Variants in NEGR1 observed in about 807,000 individuals in gnomAD.
NEGR1 encodes IgLON family member 4.
Under a neutral mutation model 40.9 loss-of-function variants are expected in NEGR1, and 10 were observed. The observed-to-expected ratio is 0.24, with a 90% CI of 0.15 to 0.42. The LOEUF (loss-of-function observed/expected upper bound fraction) is 0.42, where lower values mean the gene tolerates loss of function less well. Ranked by LOEUF, NEGR1 falls within the 10% of genes least tolerant of loss-of-function variation. NEGR1 has a pLI of 1.00. For synonymous variants in NEGR1, 185 were observed against 166.8 expected, an observed-to-expected ratio of 1.11 and a Z score of -0.84; for missense variants, 352 against 438.9, an observed-to-expected ratio of 0.80 and a Z score of 1.77.
At chr1:71,887,527 T>C (rs910102846) in intron 2 of NEGR1, among the ~76,000 whole-genome samples, 2 of 152,198 alleles carry the variant, frequency 1.3e-5, no homozygotes, top group African/African-American at 4.8e-5. Context: ...CTTTAATAAA[T>C]AGTAATTGTA....
intron 2 of NEGR1, among the ~76,000 whole-genome samples, chr1:71,783,079 G>T (rs1656774664): frequency 6.6e-6 from 1 of 151,490 alleles, no homozygotes; most frequent in South Asian, 2.1e-4. Context: ...TATTTCTACT[G>T]TTTTTTTCCT....
chr1:71,880,066 C>T (rs767258554), intron 2 of NEGR1, among the ~76,000 whole-genome samples: 9 of 151,968 alleles, frequency 5.9e-5, no homozygotes, highest in Non-Finnish European at 1.0e-4. Flanking sequence ...AATCTAAAAT[C>T]GATTTCCTTT....
intron 1 of NEGR1, among the ~76,000 whole-genome samples, chr1:71,984,816 T>C (rs1371432118): frequency 6.6e-6 from 1 of 152,192 alleles, no homozygotes; most frequent in Non-Finnish European, 1.5e-5. Flanking sequence ...ATTCTAGGTC[T>C]GTCTTTACTT....
chr1:72,240,044 C>T (rs1234427017), intron 1 of NEGR1, among the ~76,000 whole-genome samples: 3 of 151,856 alleles, frequency 2.0e-5, no homozygotes, highest in African/African-American at 7.2e-5. Context: ...AAGGTTAAGA[C>T]TTCACCTTGA....
intron 6 of NEGR1, among the ~76,000 whole-genome samples, chr1:71,461,287 A>T (rs979642352): frequency 6.6e-6 from 1 of 152,210 alleles, no homozygotes; most frequent in East Asian, 1.9e-4. Flanking sequence ...TTTTTAAAAC[A>T]TCATACATTA....
intron 2 of NEGR1, among the ~76,000 whole-genome samples, chr1:71,865,942 C>A (rs11209861): frequency 0.26 from 39,345 of 151,944 alleles, 5,285 homozygotes; most frequent in East Asian, 0.51. Flanking sequence ...ACATCTTAGA[C>A]ATGTCTTATG....
At chr1:72,202,765 C>T (rs1653260913) in intron 1 of NEGR1, among the ~76,000 whole-genome samples, 1 of 152,016 alleles carries the variant, frequency 6.6e-6, no homozygotes, top group African/African-American at 2.4e-5. Flanking sequence ...CAGGGTGACT[C>T]TGTTAGCTTG....
chr1:71,783,497 C>T (rs1656792892), intron 2 of NEGR1, among the ~76,000 whole-genome samples: 1 of 152,076 alleles, frequency 6.6e-6, no homozygotes, highest in Admixed American at 6.6e-5. Context: ...CAGTTTATGG[C>T]ATTTCAGAGA....
chr1:72,065,273 T>G (rs1647245590), intron 1 of NEGR1, among the ~76,000 whole-genome samples: 1 of 152,096 alleles, frequency 6.6e-6, no homozygotes, highest in Admixed American at 6.6e-5. Flanking sequence ...ATCTACCTGC[T>G]TTTGAATCTC....
rs1009112559 is a variant in NEGR1, at chr1:71,631,794, G to T, written c.668-20648C>A. Among the ~76,000 whole-genome samples the T allele has an allele frequency of 2.6e-5, 4 of 151,792 alleles. No individual in the cohort carries two copies. In the East Asian group the frequency reaches 7.7e-4, roughly 29 times the overall value. On this transcript the variant is annotated intron_variant, in intron 4 of 6. Transcript: ENST00000357731. ...ACCCAGGTAACATTAACCTTCAGTG[G>T]ACAAAAGAGGATATGAAAGACAAAG...
At chr1:71,721,210 C>G (rs746039449) in intron 3 of NEGR1, among the ~76,000 whole-genome samples, 1 of 152,080 alleles carries the variant, frequency 6.6e-6, no homozygotes, top group Non-Finnish European at 1.5e-5. Context: ...CCATTTTTTT[C>G]TTTGAAAACT....
At chr1:72,274,830 T>C (rs1655982785) in intron 1 of NEGR1, 14 of 1,535,364 alleles carry the variant, frequency 9.1e-6, no homozygotes, top group Non-Finnish European at 1.3e-5. Flanking sequence ...TCAGAGTTAT[T>C]TGCATCCTCA....
intron 1 of NEGR1, among the ~76,000 whole-genome samples, chr1:72,241,927 ATTAC>A (rs1654756993): frequency 6.6e-6 from 1 of 151,788 alleles, no homozygotes; most frequent in Non-Finnish European, 1.5e-5. Flanking sequence ...TCTAGTGAAA[ATTAC>A]TTAAACGATC....
intron 5 of NEGR1, among the ~76,000 whole-genome samples, chr1:71,598,184 C>G (rs1241112917): frequency 6.6e-6 from 1 of 152,090 alleles, no homozygotes; most frequent in African/African-American, 2.4e-5. Context: ...CCGAAAGTAG[C>G]AACTGACATT....
At chr1:72,180,846 T>C (rs1017554468) in intron 1 of NEGR1, among the ~76,000 whole-genome samples, 51 of 152,224 alleles carry the variant, frequency 3.4e-4, no homozygotes, top group African/African-American at 1.2e-3. Context: ...CTCTGCTTTG[T>C]TTTCTGTTAC....
At chr1:71,696,177 C>T (rs1289919685) in intron 4 of NEGR1, among the ~76,000 whole-genome samples, 1 of 151,738 alleles carries the variant, frequency 6.6e-6, no homozygotes, top group African/African-American at 2.4e-5. Flanking sequence ...TCTCTTCTAT[C>T]TATTTAGTTC....
At chr1:71,771,604 C>T (rs1656326306) in intron 3 of NEGR1, among the ~76,000 whole-genome samples, 1 of 139,420 alleles carries the variant, frequency 7.2e-6, no homozygotes, top group South Asian at 2.3e-4. Flanking sequence ...GAGGCTGAGA[C>T]AGGAGAATCG....
intron 6 of NEGR1, among the ~76,000 whole-genome samples, chr1:71,538,517 G>A (rs2101453694): frequency 6.6e-6 from 1 of 151,800 alleles, no homozygotes; most frequent in Middle Eastern, 3.4e-3. Flanking sequence ...TGGAGTGGAA[G>A]CAATGTCATT....
rs79597843 is a variant in NEGR1 at position 72,019,296 on chromosome 1, T to C, written c.177-83985A>G. Among the ~76,000 whole-genome samples the C allele has an allele frequency of 6.3e-3, 965 of 152,296 alleles. 15 individuals are homozygous for C. Among genetic ancestry groups the C allele is most frequent in the African/African-American group, 0.022 (923 of 41,568 alleles). On this transcript the variant is annotated intron_variant, in intron 1 of 6. Coordinates refer to ENST00000357731, the MANE Select transcript of NEGR1 (RefSeq NM_173808.3). ...TCTGTTTCTCATTCACATGTATATATAGTGTTAATCATATGGACACAGCAT... is the reference window on the plus strand; with the variant it reads ...TCTGTTTCTCATTCACATGTATATACAGTGTTAATCATATGGACACAGCAT...
Sources: allele counts gnomAD v4.1 joint callset (sites outside exome capture counted in the v4.1 genomes callset), GRCh38; gene constraint gnomAD v4.1.1; transcripts MANE v1.5; gene names NCBI Gene and HGNC (gene_info 2026-07-23, HGNC 2026-07-21).